NOX4: variants seen among roughly 807,000 people sequenced by gnomAD.
NOX4 encodes the protein NADPH oxidase 4.
NOX4 carries 69 observed loss-of-function variants against 87.6 expected under a neutral mutation model. The ratio of observed to expected loss-of-function variants is 0.79; its 90% CI spans 0.65 to 0.96. NOX4 has a LOEUF of 0.96. Among genes scored for constraint, NOX4 ranks in the 40% least tolerant of loss-of-function variants. NOX4 has a pLI of 0.00. For missense variants in NOX4, 680 were observed against 681.5 expected (o/e 1.00, Z 0.02); for synonymous variants, 275 against 238.2 (o/e 1.15, Z -1.42).
chr11:89,519,503 A>T, the NOX4 span, among the ~76,000 whole-genome samples: 1 of 152,076 alleles, frequency 6.6e-6, no homozygotes, highest in African/African-American at 2.4e-5. Flanking sequence ...ATTTTGTAAG[A>T]TCTATGAGAA....
chr11:89,508,720 A>G, the NOX4 span, among the ~76,000 whole-genome samples: 3 of 152,106 alleles, frequency 2.0e-5, no homozygotes, highest in Non-Finnish European at 4.4e-5. Flanking sequence ...GCACCAGGCC[A>G]GGCCTGTTCT....
intron 2 of NOX4, among the ~76,000 whole-genome samples, chr11:89,478,889 C>A (rs1008118398): frequency 6.6e-6 from 1 of 152,046 alleles, no homozygotes; most frequent in African/African-American, 2.4e-5. Flanking sequence ...CCATCTGCAA[C>A]CCCAGAGAAT....
intron 14 of NOX4, among the ~76,000 whole-genome samples, chr11:89,341,001 G>A (rs1338195961): frequency 6.6e-6 from 1 of 151,648 alleles, no homozygotes; most frequent in African/African-American, 2.4e-5. Context: ...ATAGATTTGA[G>A]AATAACTTTC....
chr11:89,401,924 T>G (rs973854911), intron 9 of NOX4, among the ~76,000 whole-genome samples: 6 of 152,088 alleles, frequency 3.9e-5, no homozygotes, highest in Non-Finnish European at 7.4e-5. Flanking sequence ...ATTTTGCTAT[T>G]TACTATTTAC....
intron 8 of NOX4, among the ~76,000 whole-genome samples, chr11:89,417,573 A>C (rs181411617): frequency 0.01 from 1,542 of 152,258 alleles, 26 homozygotes; most frequent in African/African-American, 0.035. Context: ...TTGCCATATC[A>C]AGGAATATTC....
chr11:89,335,367 G>A lies in NOX4; in HGVS notation c.1616+478C>T, dbSNP rs185956581. 2.5e-3 allele frequency among the ~76,000 whole-genome samples: 377 copies of A among 151,680 alleles called. 1 individual carries two copies. Among genetic ancestry groups the A allele is most frequent in the South Asian group, 5.6e-3 (27 of 4,814 alleles). On this transcript the variant is annotated intron_variant, in intron 17 of 17. Coordinates refer to ENST00000263317, the MANE Select transcript of NOX4 (RefSeq NM_016931.5). ...AATAATATTTTTGGAAATATTCTAG[G>A]TTTAAAGACTGCATATTACAATGCA...
the NOX4 span, among the ~76,000 whole-genome samples, chr11:89,505,152 G>T: frequency 6.6e-6 from 1 of 151,808 alleles, no homozygotes; most frequent in Admixed American, 6.6e-5. Context: ...AGGAATATTA[G>T]GTCCCCTCAT....
chr11:89,585,511 G>T, the NOX4 span, among the ~76,000 whole-genome samples: 2 of 152,166 alleles, frequency 1.3e-5, no homozygotes, highest in South Asian at 2.1e-4. Context: ...AGGCTTCATG[G>T]GCCATATGGT....
chr11:89,565,729 A>G, the NOX4 span, among the ~76,000 whole-genome samples: 1 of 147,198 alleles, frequency 6.8e-6, no homozygotes, highest in African/African-American at 2.7e-5. Context: ...AGTATAATAA[A>G]AAAAAAAAGA....
At chr11:89,557,641 C>T in the NOX4 span, among the ~76,000 whole-genome samples, 7 of 152,098 alleles carry the variant, frequency 4.6e-5, no homozygotes, top group Non-Finnish European at 1.0e-4. Flanking sequence ...ACAGCTGAGA[C>T]TGAGCAGGTT....
Position 89,421,051 on chromosome 11 carries a change from A to G in NOX4, c.629+851T>C, listed in dbSNP as rs566178951. On this transcript the variant is annotated intron_variant, in intron 8 of 17. Coordinates refer to ENST00000263317, the MANE Select transcript of NOX4 (RefSeq NM_016931.5). The stretch of plus-strand genomic sequence containing the variant: ...GGGTTTCTTATCTTAGAGTTGCTAC[A>G]TGAAGGAGTGGGGGTAAATGCTTCT... Among the ~76,000 whole-genome samples the G allele has an allele frequency of 3.3e-5, 5 of 152,296 alleles. No individual in the cohort carries two copies. In the South Asian group the frequency reaches 8.3e-4, roughly 25 times the overall value.
At chr11:89,431,343 A>T (rs552994528) in intron 7 of NOX4, among the ~76,000 whole-genome samples, 1 of 152,208 alleles carries the variant, frequency 6.6e-6, no homozygotes, top group Non-Finnish European at 1.5e-5. Flanking sequence ...ACAAAAGCCA[A>T]AATTGAAAAT....
At chr11:89,349,842 A>C (rs1946381798) in intron 13 of NOX4, among the ~76,000 whole-genome samples, 1 of 152,188 alleles carries the variant, frequency 6.6e-6, no homozygotes, top group African/African-American at 2.4e-5. Context: ...TAATTTGTGG[A>C]TAAAATTATA....
At position 89,451,779 on chromosome 11, in the gene NOX4, T is replaced by C. The variant is rs780791894; in HGVS notation, c.264+6A>G. The C allele has an allele frequency of 6.3e-7, 1 of 1,589,534 alleles. No homozygotes were observed. Among genetic ancestry groups the C allele is most frequent in the Non-Finnish European group, 8.6e-7 (1 of 1,158,016 alleles). ...GGAATTTGAAAGTAGGACTGTTTTTTCTTACCTTCTGTGATCCTCGGAGGT... is the reference window on the plus strand; with the variant it reads ...GGAATTTGAAAGTAGGACTGTTTTTCCTTACCTTCTGTGATCCTCGGAGGT... On this transcript the variant is annotated splice_donor_region_variant and intron_variant, in intron 3 of 17. Coordinates refer to ENST00000263317, the MANE Select transcript of NOX4 (RefSeq NM_016931.5).
At chr11:89,374,127 C>T (rs1343102967) in intron 11 of NOX4, among the ~76,000 whole-genome samples, 1 of 152,002 alleles carries the variant, frequency 6.6e-6, no homozygotes, top group East Asian at 1.9e-4. Flanking sequence ...AATGAAAGAA[C>T]AAAATTTAGT....
the NOX4 span, among the ~76,000 whole-genome samples, chr11:89,527,813 G>C: frequency 6.6e-6 from 1 of 152,202 alleles, no homozygotes; most frequent in Non-Finnish European, 1.5e-5. Flanking sequence ...GGGCAGTGTG[G>C]AAGGGAAAGG....
chr11:89,469,344 A>G (rs935544957), intron 2 of NOX4, among the ~76,000 whole-genome samples: 2 of 152,212 alleles, frequency 1.3e-5, no homozygotes, highest in African/African-American at 2.4e-5. Context: ...CAATTAGGAA[A>G]ACAAAATTAA....
At chr11:89,418,245 G>A (rs1299370814) in intron 8 of NOX4, among the ~76,000 whole-genome samples, 1 of 151,534 alleles carries the variant, frequency 6.6e-6, no homozygotes, top group Non-Finnish European at 1.5e-5. Context: ...ATTTAGTTTG[G>A]TGTAAGTTTT....
At chr11:89,436,884 T>C (rs1944105032) in intron 6 of NOX4, among the ~76,000 whole-genome samples, 1 of 152,142 alleles carries the variant, frequency 6.6e-6, no homozygotes, top group African/African-American at 2.4e-5. Context: ...TTATAACATT[T>C]CTTATGTAGT....
Sources: gnomAD v4.1 joint callset for allele counts (sites outside exome capture counted in the v4.1 genomes callset) on GRCh38, gnomAD v4.1.1 for gene constraint, MANE v1.5 for transcripts, NCBI Gene and HGNC (gene_info 2026-07-23, HGNC 2026-07-21) for gene names.